Variants in ALG3 observed in about 807,000 individuals in gnomAD.
ALG3 encodes ALG3 alpha-1,3- mannosyltransferase.
Under a neutral mutation model 50.5 loss-of-function variants are expected in ALG3, and 39 were observed. That is an observed-to-expected ratio of 0.77 (90% CI 0.60 to 1.01). The LOEUF (loss-of-function observed/expected upper bound fraction) is 1.01, where lower values mean the gene tolerates loss of function less well. ALG3 is among the 50% of genes least tolerant of loss of function. The probability of loss-of-function intolerance (pLI) is 0.00; values close to 1 mark genes in which losing one functional copy is unlikely to be tolerated. For missense variants in ALG3, 520 were observed against 554.8 expected, an observed-to-expected ratio of 0.94 and a Z score of 0.63; for synonymous variants, 252 against 237.2, an observed-to-expected ratio of 1.06 and a Z score of -0.58.
In ALG3 at chr3:184,244,609, C is replaced by T; in HGVS notation, c.718G>A (p.Gly240Ser). 1 of 1,609,744 alleles carries T rather than the reference C, an allele frequency of 6.2e-7. No individual in the cohort carries two copies. Among genetic ancestry groups the T allele is most frequent in the Non-Finnish European group, 8.5e-7 (1 of 1,178,128 alleles). Residue 240 changes from glycine to serine, a missense_variant, in exon 5 of 9, where the codon GGC becomes AGC. Physicochemically the swap from Gly to Ser is moderately conservative, Grantham distance 56. This residue lies in a region of ALG3 where 224 missense variants were observed against 272.8 expected (regional missense o/e 0.82). Transcript: ENST00000397676. ...GGGTGAGATGGGGGTACCTGAAGGCCAGCACAGATTCCCAGCTTGGGGAGG... is the reference window on the plus strand; with the variant it reads ...GGGTGAGATGGGGGTACCTGAAGGCTAGCACAGATTCCCAGCTTGGGGAGG... Reference protein sequence around the residue: ...GALPKLGICAGLQVVLGLPFL... With the variant: ...GALPKLGICASLQVVLGLPFL...
At chr3:184,249,187 T>G (rs752056013), upstream of ALG3, 13 of 1,605,626 alleles carry the variant, frequency 8.1e-6, no homozygotes, top group Non-Finnish European at 1.1e-5. Context: ...CAGGCGCTAA[T>G]TTAGAACGAA....
chr3:184,245,989 A>G (rs549974874), intron 1 of ALG3, among the ~76,000 whole-genome samples, 177 bp from the exon 2 acceptor site: 1 of 152,148 alleles, frequency 6.6e-6, no homozygotes, highest in East Asian at 1.9e-4. Flanking sequence ...CAAACTCAAC[A>G]TTTCTATAAG....
intron 7 of ALG3, 87 bp from the exon 8 acceptor site, chr3:184,243,044 C>A: frequency 6.5e-7 from 1 of 1,539,214 alleles, no homozygotes; most frequent in Non-Finnish European, 8.8e-7. Context: ...GGTCACATAG[C>A]CCTCTGGCTC....
At chr3:184,242,731 G>A in intron 8 of ALG3, 55 bp from the exon 9 acceptor site, 2 of 1,584,436 alleles carry the variant, frequency 1.3e-6, no homozygotes, top group South Asian at 2.3e-5. Context: ...CTGCAGACCT[G>A]CAGCTCCTCA....
In ALG3 at chr3:184,244,602, T is replaced by C; in HGVS notation, c.725A>G (p.Gln242Arg). Reference protein sequence around the residue: ...LPKLGICAGLQVVLGLPFLLE... With the variant: ...LPKLGICAGLRVVLGLPFLLE... ...AGAGGAAGGGTGAGATGGGGGTACCTGAAGGCCAGCACAGATTCCCAGCTT... is the reference window on the plus strand; with the variant it reads ...AGAGGAAGGGTGAGATGGGGGTACCCGAAGGCCAGCACAGATTCCCAGCTT... The change falls in exon 5 of 9, where the codon CAG becomes CGG. Residue 242 changes from glutamine to arginine, a missense_variant and splice_region_variant. This residue lies in a region of ALG3 where 224 missense variants were observed against 272.8 expected (regional missense o/e 0.82). Transcript: ENST00000397676. 1 of 1,608,506 alleles carries C rather than the reference T, an allele frequency of 6.2e-7. No homozygotes were observed. Among genetic ancestry groups the C allele is most frequent in the Non-Finnish European group, 8.5e-7 (1 of 1,177,604 alleles).
chr3:184,247,285 G>A lies in ALG3; in HGVS notation c.196+1460C>T, dbSNP rs538595495. ...GCTGGGATTACAGGCATGAGCCACC[G>A]TGCCCAGTCTAACTGAATTTTTTTT... is the stretch of plus-strand genomic sequence containing the variant. On this transcript the variant is annotated intron_variant, in intron 1 of 8. Coordinates refer to ENST00000397676, the MANE Select transcript of ALG3 (RefSeq NM_005787.6). 5.8e-4 allele frequency among the ~76,000 whole-genome samples: 87 copies of A among 150,230 alleles called. 1 individual carries two copies. The highest frequency in any genetic ancestry group is 2.0e-3 in the African/African-American group (83 of 40,616).
intron 4 of ALG3, 191 bp from the exon 5 acceptor site, chr3:184,244,912 T>C (rs557152410): frequency 1.4e-5 from 11 of 783,028 alleles, no homozygotes; most frequent in Non-Finnish European, 1.8e-5. Flanking sequence ...AGATACATAG[T>C]CTCTATGCCT....
Position 184,242,499 on chromosome 3 carries a change from G to A in ALG3, c.*15C>T. 6.2e-7 allele frequency: 1 copy of A among 1,611,934 alleles called. No individual in the cohort carries two copies. The highest frequency in any genetic ancestry group is 8.5e-7 in the Non-Finnish European group (1 of 1,179,112). ...CCTGAGGGTAGACTCAGGTCCTGAG[G>A]GAAAGGGGTGGACTTCAGTGGGCTT... On this transcript the variant is annotated 3_prime_UTR_variant, in exon 9 of 9. Coordinates refer to ENST00000397676, the MANE Select transcript of ALG3 (RefSeq NM_005787.6).
At chr3:184,248,667 G>T in intron 1 of ALG3, 78 bp downstream of exon 1, 2 of 1,337,016 alleles carry the variant, frequency 1.5e-6, no homozygotes, top group Non-Finnish European at 2.0e-6. Context: ...CTGGTTTGGA[G>T]TTCCAGGTCT....
In ALG3 at chr3:184,248,927, A is replaced by T; in HGVS notation, c.14T>A (p.Leu5Gln). 6.3e-7 allele frequency: 1 copy of T among 1,583,872 alleles called. No individual in the cohort carries two copies. The change falls in exon 1 of 9, where the codon CTG becomes CAG. Residue 5 changes from leucine to glutamine, a missense_variant. Coordinates refer to ENST00000397676, the MANE Select transcript of ALG3 (RefSeq NM_005787.6). Reference sequence around the variant, plus strand: ...GGAACCGGACCGGCCGCGTTTCCGCAGCCCAGCCGCCATCTTAACGGTGCG... The same window carrying T: ...GGAACCGGACCGGCCGCGTTTCCGCTGCCCAGCCGCCATCTTAACGGTGCG... The part of the protein sequence containing the change: MAAG[L>Q]RKRGRSGSAA...
chr3:184,246,445 A>C (rs1263924153), intron 1 of ALG3, among the ~76,000 whole-genome samples: 1 of 152,230 alleles, frequency 6.6e-6, no homozygotes, highest in Non-Finnish European at 1.5e-5. Flanking sequence ...CCTAAGAATT[A>C]ATTAGGTTAA....
rs1319201868 is a variant in ALG3 at position 184,244,643 on chromosome 3, G to A, written c.684C>T (p.Phe228=). The change falls in exon 5 of 9, where the codon TTC becomes TTT. Residue 228 remains phenylalanine (F), a synonymous_variant. Transcript: ENST00000397676. ...LLFLLLTQFG[F]RGALPKLGIC... ...TTCCCAGCTTGGGGAGGGCCCCACGGAAGCCAAACTGTGTGAGGAGAAGAA... is the reference window on the plus strand; with the variant it reads ...TTCCCAGCTTGGGGAGGGCCCCACGAAAGCCAAACTGTGTGAGGAGAAGAA... 2 of 1,611,062 alleles carry A rather than the reference G, an allele frequency of 1.2e-6. No homozygotes were observed. Among genetic ancestry groups the A allele is most frequent in the African/African-American group, 2.7e-5 (2 of 74,930 alleles).
chr3:184,246,050 C>T (rs1219425508), intron 1 of ALG3, among the ~76,000 whole-genome samples: 1 of 152,034 alleles, frequency 6.6e-6, no homozygotes, highest in African/African-American at 2.4e-5. Flanking sequence ...TCCTGGGTTC[C>T]GCAAATGGCA....
In ALG3 at chr3:184,248,825, G is replaced by T. The variant is rs1348594417; in HGVS notation, c.116C>A (p.Pro39Gln). 1 of 1,608,614 alleles carries T rather than the reference G, an allele frequency of 6.2e-7. No individual in the cohort carries two copies. Among genetic ancestry groups the T allele is most frequent in the Non-Finnish European group, 8.5e-7 (1 of 1,177,552 alleles). ...GGCGGCCACCAGCAGCGTGTAGCGCGGCTCCCGCAGCAGCAGGCGCCGCTC... is the reference window on the plus strand; with the variant it reads ...GGCGGCCACCAGCAGCGTGTAGCGCTGCTCCCGCAGCAGCAGGCGCCGCTC... ...WQERRLLLRE[P>Q]RYTLLVAACL... is the part of the protein sequence containing the mutation. The change falls in exon 1 of 9, where the codon CCG (proline) becomes CAG (glutamine). Residue 39 changes from proline (P) to glutamine (Q), a missense_variant. Physicochemically the swap from Pro to Gln is moderately conservative, Grantham distance 76. Around this residue, in one of 3 missense-constraint regions of ALG3, gnomAD observed 290 missense variants for 265.9 expected, o/e 1.09. Transcript: ENST00000397676.
upstream of ALG3, chr3:184,249,036 T>A (rs1252396147): frequency 6.6e-7 from 1 of 1,525,574 alleles, no homozygotes; most frequent in East Asian, 2.4e-5. Flanking sequence ...CCCACCAGGC[T>A]AAGCGCCGAT....
In ALG3 at chr3:184,243,891, A is replaced by G; in HGVS notation, c.832T>C (p.Phe278Leu). ...TGCAGGAAGAGCGCCTCTGGGAGGA[A>G]GCGCCAGTTCACTGTCCAGTGGAAC... Reference protein sequence around the residue: ...FLFHWTVNWRFLPEALFLHRA... With the variant: ...FLFHWTVNWRLLPEALFLHRA... The change falls in exon 6 of 9, where the codon TTC becomes CTC. Residue 278 changes from phenylalanine (F) to leucine (L), a missense_variant. Phe to Leu is a conservative substitution (Grantham distance 22). Transcript: ENST00000397676. 1.2e-6 allele frequency: 2 copies of G among 1,614,010 alleles called. No homozygotes were observed. Among genetic ancestry groups the G allele is most frequent in the Non-Finnish European group, 1.7e-6 (2 of 1,179,892 alleles).
chr3:184,247,390 C>T (rs184537078), intron 1 of ALG3, among the ~76,000 whole-genome samples: 7 of 152,060 alleles, frequency 4.6e-5, no homozygotes, highest in African/African-American at 4.8e-5. Flanking sequence ...CTCCACCTCC[C>T]GGGTTCAAGC....
chr3:184,243,465 C>T (rs2108440231), intron 7 of ALG3, 89 bp downstream of exon 7: 1 of 1,296,812 alleles, frequency 7.7e-7, no homozygotes, highest in Non-Finnish European at 1.1e-6. Flanking sequence ...TTTCCTCGCC[C>T]AGGTCACCAG....
chr3:184,249,005 T>C (rs1166889744), upstream of ALG3: 6 of 1,541,996 alleles, frequency 3.9e-6, no homozygotes, highest in Non-Finnish European at 5.2e-6. Flanking sequence ...ACACTTAGGT[T>C]CCGCTTCCCG....
Sources: allele counts gnomAD v4.1 joint callset (sites outside exome capture counted in the v4.1 genomes callset), GRCh38; gene constraint gnomAD v4.1.1; regional missense constraint gnomAD v4.1.1; transcripts MANE v1.5; gene names NCBI Gene and HGNC (gene_info 2026-07-23, HGNC 2026-07-21).